The following TLN2 variants were observed in gnomAD, a reference collection of about 807,000 sequenced individuals.
TLN2 encodes the protein talin 2, also known as talin-2.
In TLN2, 118 loss-of-function variants were observed where a neutral mutation model predicts 294.7. The observed-to-expected ratio is 0.40, with a 90% CI of 0.34 to 0.47. TLN2 has a LOEUF of 0.47. TLN2 is among the 20% of genes least tolerant of loss of function. The pLI, the probability that TLN2 is intolerant of heterozygous loss-of-function variation, is 0.84. For missense variants in TLN2, 3,083 were observed against 3,282.2 expected, an observed-to-expected ratio of 0.94 and a Z score of 1.48; for synonymous variants, 1,431 against 1,304.5, an observed-to-expected ratio of 1.10 and a Z score of -2.09.
chr15:62,602,120 A>C (rs4569205), intron 2 of TLN2, among the ~76,000 whole-genome samples: 1 of 151,954 alleles, frequency 6.6e-6, no homozygotes, highest in East Asian at 1.9e-4. Flanking sequence ...ATTTATCATT[A>C]TTTCTGGATA....
chr15:62,399,247 C>T (rs147959911), intron 1 of TLN2, among the ~76,000 whole-genome samples: 4,432 of 95,428 alleles, frequency 0.046, 264 homozygotes, highest in African/African-American at 0.15. Flanking sequence ...AGCGAGACTC[C>T]GTCTCAAACA....
chr15:62,571,697 CTTG>C (rs958087826), intron 1 of TLN2, among the ~76,000 whole-genome samples: 1 of 152,164 alleles, frequency 6.6e-6, no homozygotes, highest in Non-Finnish European at 1.5e-5. Context: ...CATGACCCAT[CTTG>C]TTTTTTCTAG....
At chr15:62,411,390 A>G (rs2033765324) in intron 1 of TLN2, among the ~76,000 whole-genome samples, 1 of 149,934 alleles carries the variant, frequency 6.7e-6, no homozygotes, top group Admixed American at 6.6e-5. Flanking sequence ...GGCACATGGT[A>G]ATTAGATGTT....
chr15:62,840,280 C>T (rs538120188), intron 58 of TLN2, among the ~76,000 whole-genome samples: 8 of 152,158 alleles, frequency 5.3e-5, no homozygotes, highest in Non-Finnish European at 7.3e-5. Context: ...CCAGAACCAG[C>T]GTGTTTTCAT....
intron 1 of TLN2, among the ~76,000 whole-genome samples, chr15:62,573,686 C>T (rs1193819437): frequency 6.6e-6 from 1 of 152,128 alleles, no homozygotes; most frequent in South Asian, 2.1e-4. Context: ...ACCCCCTTCC[C>T]TCCCTAGTGC....
intron 3 of TLN2, among the ~76,000 whole-genome samples, chr15:62,634,114 G>C (rs2050164731): frequency 6.6e-6 from 1 of 152,150 alleles, no homozygotes; most frequent in Non-Finnish European, 1.5e-5. Context: ...AGGTCCTGGG[G>C]GTTAGGACCT....
chr15:62,598,338 G>C (rs1043411707), intron 2 of TLN2, among the ~76,000 whole-genome samples: 1 of 152,154 alleles, frequency 6.6e-6, no homozygotes, highest in Non-Finnish European at 1.5e-5. Context: ...TCTTGGACAC[G>C]TTCTTCCACA....
chr15:62,587,709 C>T (rs577280432), intron 1 of TLN2, among the ~76,000 whole-genome samples: 14 of 152,240 alleles, frequency 9.2e-5, no homozygotes, highest in Non-Finnish European at 1.5e-4. Flanking sequence ...AGTAGGATTG[C>T]TGAATCAAAG....
At chr15:62,803,322 T>G (rs1047666172) in intron 50 of TLN2, among the ~76,000 whole-genome samples, 39 of 152,226 alleles carry the variant, frequency 2.6e-4, no homozygotes, top group Admixed American at 1.3e-4. Flanking sequence ...TAAATCTGGT[T>G]GGTCTTCTAT....
At chr15:62,504,108 C>T (rs2039455464) in intron 1 of TLN2, among the ~76,000 whole-genome samples, 2 of 152,200 alleles carry the variant, frequency 1.3e-5, no homozygotes, top group Non-Finnish European at 2.9e-5. Flanking sequence ...CCAGCAACTC[C>T]TCCCTTCTTG....
chr15:62,566,964 C>A (rs1172706556), intron 1 of TLN2, among the ~76,000 whole-genome samples: 3 of 152,134 alleles, frequency 2.0e-5, no homozygotes, highest in Non-Finnish European at 4.4e-5. Context: ...CCATAGCCCC[C>A]ACCTCTCAGG....
intron 40 of TLN2, among the ~76,000 whole-genome samples, chr15:62,764,893 G>C (rs1775301146): frequency 6.6e-6 from 1 of 151,642 alleles, no homozygotes; most frequent in Non-Finnish European, 1.5e-5. Flanking sequence ...CTTGAATGTG[G>C]GAGGCGGAGA....
chr15:62,523,554 A>G (rs1037710483), intron 1 of TLN2, among the ~76,000 whole-genome samples: 5 of 152,246 alleles, frequency 3.3e-5, no homozygotes, highest in African/African-American at 1.2e-4. Context: ...TATAGAGAGA[A>G]GAAGTTGGCT....
chr15:62,433,754 C>A (rs2035142043), intron 1 of TLN2, among the ~76,000 whole-genome samples: 1 of 152,130 alleles, frequency 6.6e-6, no homozygotes, highest in African/African-American at 2.4e-5. Flanking sequence ...AGATTCACTT[C>A]CCTTCTTGTG....
chr15:62,823,089 A>G (rs777042608), intron 54 of TLN2, among the ~76,000 whole-genome samples: 1 of 152,188 alleles, frequency 6.6e-6, no homozygotes, highest in African/African-American at 2.4e-5. Flanking sequence ...GGTTAACATA[A>G]CTGATGATGT....
intron 8 of TLN2, among the ~76,000 whole-genome samples, chr15:62,656,434 A>G (rs2053220506): frequency 6.6e-6 from 1 of 152,232 alleles, no homozygotes; most frequent in Non-Finnish European, 1.5e-5. Flanking sequence ...TTAGAATGCA[A>G]GAGAATGTTG....
rs528746596 is a variant in TLN2 at position 62,706,980 on chromosome 15, G to C, written c.2005-106G>C. 2.2e-6 allele frequency: 3 copies of C among 1,343,556 alleles called. No homozygotes were observed. In the East Asian group the frequency reaches 7.7e-5, roughly 34 times the overall value. The allele number at this position is 1,343,556 out of a possible 1,614,324, so 83.2% of individuals were successfully genotyped here. A position where few individuals can be genotyped will look rare whatever the true frequency, so the allele number is the denominator to read the frequency against. The stretch of plus-strand genomic sequence containing the variant: ...AAAAAAAAGTAAAAAAACTTCTAAA[G>C]TACTGAAGGAAAAAGATCAAATGGA... On this transcript the variant is annotated intron_variant, in intron 19 of 58. Transcript: ENST00000636159.
At chr15:62,736,473 C>T (rs1236474255) in intron 28 of TLN2, among the ~76,000 whole-genome samples, 1 of 152,080 alleles carries the variant, frequency 6.6e-6, no homozygotes, top group East Asian at 1.9e-4. Flanking sequence ...TAGACTTGTT[C>T]ACTGTAGTGT....
intron 37 of TLN2, among the ~76,000 whole-genome samples, chr15:62,756,166 C>T (rs1230240082): frequency 6.6e-6 from 1 of 152,188 alleles, no homozygotes; most frequent in African/African-American, 2.4e-5. Flanking sequence ...TCACTTAAAA[C>T]ATTTTCATCA....
Sources: gnomAD v4.1 joint callset for allele counts (sites outside exome capture counted in the v4.1 genomes callset) on GRCh38, gnomAD v4.1.1 for gene constraint, MANE v1.5 for transcripts, NCBI Gene and HGNC (gene_info 2026-07-23, HGNC 2026-07-21) for gene names.